Variants in ANKS1A observed in about 807,000 individuals in gnomAD.
The protein encoded by ANKS1A is ankyrin repeat and sterile alpha motif domain containing 1A.
Under a neutral mutation model 120.3 loss-of-function variants are expected in ANKS1A, and 55 were observed. The ratio of observed to expected loss-of-function variants is 0.46; its 90% CI spans 0.37 to 0.57. The LOEUF (loss-of-function observed/expected upper bound fraction) is 0.57, where lower values mean the gene tolerates loss of function less well. Among genes scored for constraint, ANKS1A ranks in the 20% least tolerant of loss-of-function variants. The pLI is 0.00. For missense variants in ANKS1A, 1,123 were observed against 1,480.3 expected (o/e 0.76, Z 3.96); for synonymous variants, 590 against 604.7 (o/e 0.98, Z 0.36).
In ANKS1A at chr6:34,982,621, A is replaced by C; in HGVS notation, c.733-131A>C. 1 of 921,500 alleles carries C rather than the reference A, an allele frequency of 1.1e-6. No individual in the cohort carries two copies. Among genetic ancestry groups the C allele is most frequent in the Non-Finnish European group, 1.7e-6 (1 of 588,478 alleles). The allele number at this position is 921,500 out of a possible 1,614,324, so 57.1% of individuals were successfully genotyped here. A position where few individuals can be genotyped will look rare whatever the true frequency, so the allele number is the denominator to read the frequency against. The stretch of plus-strand genomic sequence containing the variant: ...GGAATCCACACAAGAAAAGCTGGAA[A>C]GATAATGACAGAGGGCTTTGTGTAG... On this transcript the variant is annotated intron_variant, in intron 4 of 23. Transcript: ENST00000360359. The surrounding 1 kb of genome is among the most constrained non-coding windows in gnomAD (Gnocchi z 4.9).
At chr6:34,960,977 C>CA (rs1770609462) in intron 1 of ANKS1A, among the ~76,000 whole-genome samples, 1 of 152,200 alleles carries the variant, frequency 6.6e-6, no homozygotes, top group Admixed American at 6.5e-5. Context: ...GCCCAAGCTC[C>CA]TAACTTAGGT....
chr6:34,998,833 A>T (rs923068116), intron 10 of ANKS1A, among the ~76,000 whole-genome samples: 1 of 152,278 alleles, frequency 6.6e-6, no homozygotes, highest in South Asian at 2.1e-4. Flanking sequence ...TTGTCCTGCT[A>T]CATTTCTTGG....
At chr6:34,942,502 C>A (rs567558058) in intron 1 of ANKS1A, among the ~76,000 whole-genome samples, 1 of 152,194 alleles carries the variant, frequency 6.6e-6, no homozygotes, top group Non-Finnish European at 1.5e-5. Flanking sequence ...GGTGGATGAT[C>A]ACTAACAGTT....
At chr6:34,995,074 C>G (rs897529290) in intron 10 of ANKS1A, among the ~76,000 whole-genome samples, 1 of 152,194 alleles carries the variant, frequency 6.6e-6, no homozygotes, top group African/African-American at 2.4e-5. Flanking sequence ...CAATGCAGTT[C>G]CCACTGCAGT....
chr6:34,901,887 G>A (rs1767367653), intron 1 of ANKS1A, among the ~76,000 whole-genome samples: 2 of 152,300 alleles, frequency 1.3e-5, no homozygotes, highest in Non-Finnish European at 2.9e-5. Context: ...AAAGACGTCT[G>A]TGGAAGTATA....
chr6:34,909,411 G>C (rs1459466031), intron 1 of ANKS1A, among the ~76,000 whole-genome samples: 3 of 152,126 alleles, frequency 2.0e-5, no homozygotes, highest in African/African-American at 4.8e-5. Flanking sequence ...TTAATGAAAA[G>C]TCATCTGACA....
chr6:34,940,707 G>C (rs536477959), intron 1 of ANKS1A, among the ~76,000 whole-genome samples: 1 of 151,842 alleles, frequency 6.6e-6, no homozygotes, highest in Non-Finnish European at 1.5e-5. Context: ...TCAGGAGTTC[G>C]AGACCAGCCT....
intron 1 of ANKS1A, among the ~76,000 whole-genome samples, chr6:34,915,120 C>T (rs1768093061): frequency 6.6e-6 from 1 of 152,194 alleles, no homozygotes; most frequent in African/African-American, 2.4e-5. Context: ...TTAGCTAGCT[C>T]ATCACTTATA....
chr6:35,023,617 C>T, intron 11 of ANKS1A: 1 of 482,760 alleles, frequency 2.1e-6, no homozygotes, highest in Non-Finnish European at 4.2e-6. Flanking sequence ...GGCATTATGC[C>T]TCCAGGAAAA....
At chr6:34,909,764 T>TC (rs1488223376) in intron 1 of ANKS1A, among the ~76,000 whole-genome samples, 2 of 151,994 alleles carry the variant, frequency 1.3e-5, no homozygotes, top group African/African-American at 2.4e-5. Context: ...GAAATGTTCC[T>TC]CCCCGAAGGG....
rs1775911777 is a variant in ANKS1A, at chr6:35,050,419, AGAG to A, written c.2011-3676_2011-3674del. ...GTCACTCATCCAAAACCACAGAAAA[AGAG>A]GAGAACACTAAATGGTGCCCGTCCA... On this transcript the variant is annotated intron_variant, in intron 11 of 23. Transcript: ENST00000360359. This position sits in a 1 kb window ranked among gnomAD's most constrained non-coding sequence, Gnocchi z 4.3. Among the ~76,000 whole-genome samples the A allele has an allele frequency of 6.6e-6, 1 of 152,246 alleles. No homozygotes were observed. Among genetic ancestry groups the A allele is most frequent in the African/African-American group, 2.4e-5 (1 of 41,456 alleles).
intron 13 of ANKS1A, among the ~76,000 whole-genome samples, chr6:35,068,328 G>A (rs945184086): frequency 1.3e-5 from 2 of 152,160 alleles, no homozygotes; most frequent in Non-Finnish European, 2.9e-5. Flanking sequence ...ACAGTGTCAC[G>A]GTGAACCAGC....
intron 3 of ANKS1A, among the ~76,000 whole-genome samples, chr6:34,979,174 C>T (rs1771770009): frequency 6.6e-6 from 1 of 152,172 alleles, no homozygotes; most frequent in Admixed American, 6.5e-5. Context: ...GGATTACAGG[C>T]ATGAGCCACC....
At chr6:34,983,024 T>A in intron 5 of ANKS1A, 89 bp from the exon 6 acceptor site, 1 of 1,369,080 alleles carries the variant, frequency 7.3e-7, no homozygotes, top group Non-Finnish European at 1.0e-6. Context: ...GCCATGCTGC[T>A]GACAGCCTTA....
At chr6:34,999,458 C>T (rs60815469) in intron 10 of ANKS1A, among the ~76,000 whole-genome samples, 13,467 of 152,136 alleles carry the variant, frequency 0.089, 770 homozygotes, top group East Asian at 0.34. Context: ...TTGTTTTGTG[C>T]GTGTGGTGTG....
At chr6:35,065,238 C>T (rs74645761) in intron 13 of ANKS1A, among the ~76,000 whole-genome samples, 50,131 of 151,608 alleles carry the variant, frequency 0.33, 8,672 homozygotes, top group East Asian at 0.61. Context: ...CTGACTGCAG[C>T]GCAGGCATTC....
chr6:35,039,091 T>TGGGG (rs36124416), intron 11 of ANKS1A, among the ~76,000 whole-genome samples: 1 of 113,814 alleles, frequency 8.8e-6, no homozygotes, highest in Non-Finnish European at 2.0e-5. Flanking sequence ...TGTGTGTGTG[T>TGGGG]GGGGGGGGGT....
chr6:35,045,132 T>A (rs1257629381), intron 11 of ANKS1A, among the ~76,000 whole-genome samples: 1 of 152,258 alleles, frequency 6.6e-6, no homozygotes, highest in Non-Finnish European at 1.5e-5. Flanking sequence ...TTTAGGATGA[T>A]GTCACTCAGG....
intron 1 of ANKS1A, among the ~76,000 whole-genome samples, chr6:34,943,530 TATC>T (rs983700783): frequency 2.6e-4 from 40 of 152,312 alleles, no homozygotes; most frequent in African/African-American, 8.4e-4. Flanking sequence ...TAGTATTAAA[TATC>T]ATACAAAATA....
Sources: gnomAD v4.1 joint callset for allele counts (sites outside exome capture counted in the v4.1 genomes callset) on GRCh38, gnomAD v4.1.1 for gene constraint, Gnocchi (gnomAD v3.1) non-coding constraint, MANE v1.5 for transcripts, NCBI Gene and HGNC (gene_info 2026-07-23, HGNC 2026-07-21) for gene names.